Variants in SPAG16 observed in about 807,000 individuals in gnomAD.
The protein encoded by SPAG16 is sperm associated antigen 16.
A neutral mutation model predicts 80.4 loss-of-function variants in SPAG16; 86 were observed. The ratio of observed to expected loss-of-function variants is 1.07; its 90% confidence interval spans 0.90 to 1.28. The LOEUF (loss-of-function observed/expected upper bound fraction) is 1.28. Among genes scored for constraint, SPAG16 ranks in the 50% most tolerant of loss-of-function variants. The pLI, the probability that SPAG16 is intolerant of heterozygous loss-of-function variation, is 0.00. For synonymous variants in SPAG16, 294 were observed against 265.9 expected, an observed-to-expected ratio of 1.11 and a Z score of -1.03; for missense variants, 870 against 765.3, an observed-to-expected ratio of 1.14 and a Z score of -1.61.
chr2:214,192,884 G>C (rs2057706586), intron 15 of SPAG16, among the ~76,000 whole-genome samples: 2 of 152,094 alleles, frequency 1.3e-5, no homozygotes, highest in Admixed American at 1.3e-4. Flanking sequence ...AGAACAGCTT[G>C]AGATTTTGCA....
chr2:214,006,268 A>G (rs1326160656), intron 12 of SPAG16, among the ~76,000 whole-genome samples: 1 of 152,210 alleles, frequency 6.6e-6, no homozygotes, highest in Non-Finnish European at 1.5e-5. Context: ...TAGTATTAAA[A>G]CAAACATATC....
chr2:213,669,357 T>C (rs900809108), intron 10 of SPAG16, among the ~76,000 whole-genome samples: 1 of 152,224 alleles, frequency 6.6e-6, no homozygotes, highest in Admixed American at 6.5e-5. Context: ...ATACTGTTTT[T>C]TTGGCTATAG....
intron 10 of SPAG16, among the ~76,000 whole-genome samples, chr2:213,640,874 T>A (rs771068343): frequency 6.6e-6 from 1 of 152,294 alleles, no homozygotes; most frequent in East Asian, 1.9e-4. Context: ...TTGGTTGGCC[T>A]TCATCCATGA....
At chr2:213,464,946 C>CT (rs1021250943) in intron 9 of SPAG16, among the ~76,000 whole-genome samples, 4 of 152,092 alleles carry the variant, frequency 2.6e-5, no homozygotes, top group African/African-American at 7.2e-5. Flanking sequence ...GTTTTTGTTT[C>CT]TTTTATGGAG....
intron 10 of SPAG16, among the ~76,000 whole-genome samples, chr2:213,624,800 GT>G (rs940294980): frequency 6.6e-6 from 1 of 151,752 alleles, no homozygotes; most frequent in Non-Finnish European, 1.5e-5. Flanking sequence ...TCAGGTTTTT[GT>G]TTTTTTTGAG....
intron 12 of SPAG16, among the ~76,000 whole-genome samples, chr2:213,952,254 A>G (rs1303292920): frequency 6.6e-6 from 1 of 152,102 alleles, no homozygotes. Flanking sequence ...CACATTTTAA[A>G]GGGCATGGTA....
intron 15 of SPAG16, among the ~76,000 whole-genome samples, chr2:214,184,280 A>AAC (rs1180875324): frequency 1.3e-5 from 2 of 152,012 alleles, no homozygotes; most frequent in African/African-American, 4.8e-5. Flanking sequence ...TGGATATTAA[A>AAC]ACTCACCAAG....
chr2:214,372,184 A>C lies in SPAG16; in HGVS notation c.1721-37956A>C, dbSNP rs7349404. ...CTTTACACAGGAGATTTGATGTTCA[A>C]GAATCATATACAAAGGTGATTAGGG... On this transcript the variant is annotated intron_variant, in intron 15 of 15. Coordinates refer to ENST00000331683, the MANE Select transcript of SPAG16 (RefSeq NM_024532.5). Among the ~76,000 whole-genome samples, 203 of 152,272 alleles carry C rather than the reference A, an allele frequency of 1.3e-3. 1 individual carries two copies. The highest frequency in any genetic ancestry group is 2.4e-3 in the Non-Finnish European group (161 of 68,022).
In SPAG16 at chr2:213,726,948, A is replaced by G. The variant is rs560337968; in HGVS notation, c.1071-135537A>G. On this transcript the variant is annotated intron_variant, in intron 10 of 15. Transcript: ENST00000331683. ...ATTCTACTCCGCAAATTTAATTTTG[A>G]GCATATAATAATAGAATTTTATCTT... 2.3e-4 allele frequency among the ~76,000 whole-genome samples: 35 copies of G among 152,334 alleles called. No homozygotes were observed. The Middle Eastern group carries it at 0.01, about 44-fold the overall frequency.
At chr2:213,645,964 G>A (rs1232233828) in intron 10 of SPAG16, among the ~76,000 whole-genome samples, 1 of 152,182 alleles carries the variant, frequency 6.6e-6, no homozygotes, top group Non-Finnish European at 1.5e-5. Context: ...GCTGGGGCTG[G>A]TTTAAAGGTT....
At chr2:213,475,665 T>C (rs143600859) in intron 9 of SPAG16, among the ~76,000 whole-genome samples, 4 of 152,296 alleles carry the variant, frequency 2.6e-5, no homozygotes, top group Non-Finnish European at 5.9e-5. Context: ...CATGCTTACC[T>C]GCACTCTGTC....
chr2:213,490,655 A>G (rs1337133934), intron 10 of SPAG16, among the ~76,000 whole-genome samples: 2 of 152,142 alleles, frequency 1.3e-5, no homozygotes, highest in Non-Finnish European at 2.9e-5. Flanking sequence ...TCTGTAGAAA[A>G]TATGCATATA....
chr2:214,090,133 C>A (rs2052073674), intron 13 of SPAG16, among the ~76,000 whole-genome samples: 1 of 150,290 alleles, frequency 6.7e-6, no homozygotes, highest in African/African-American at 2.5e-5. Context: ...AAAGCTTTTG[C>A]AAAAGAGATA....
chr2:214,202,264 C>T lies in SPAG16; in HGVS notation c.1720+52998C>T, dbSNP rs144670393. Among the ~76,000 whole-genome samples, 263 of 152,196 alleles carry T rather than the reference C, an allele frequency of 1.7e-3. 2 individuals are homozygous for T. Among genetic ancestry groups the T allele is most frequent in the African/African-American group, 6.0e-3 (248 of 41,524 alleles). On this transcript the variant is annotated intron_variant, in intron 15 of 15. Coordinates refer to ENST00000331683, the MANE Select transcript of SPAG16 (RefSeq NM_024532.5). Reference sequence around the variant, plus strand: ...TGAAAATTTTTTTACAACCTAAATACATTAAATTGATGGCTGCCTTATGAT... The same window carrying T: ...TGAAAATTTTTTTACAACCTAAATATATTAAATTGATGGCTGCCTTATGAT...
chr2:214,060,726 A>C (rs1219021776), intron 13 of SPAG16, among the ~76,000 whole-genome samples: 1 of 152,194 alleles, frequency 6.6e-6, no homozygotes. Flanking sequence ...CAGAATTCCA[A>C]TAGGATTGCT....
intron 10 of SPAG16, among the ~76,000 whole-genome samples, chr2:213,751,399 AG>A (rs2068071080): frequency 1.3e-5 from 2 of 152,138 alleles, no homozygotes; most frequent in Non-Finnish European, 2.9e-5. Flanking sequence ...AATGTAAATA[AG>A]TTCTCCCTTC....
intron 15 of SPAG16, among the ~76,000 whole-genome samples, chr2:214,265,052 T>C (rs1205997711): frequency 6.6e-6 from 1 of 152,208 alleles, no homozygotes; most frequent in East Asian, 1.9e-4. Flanking sequence ...TTGGCTGCTT[T>C]CGTGTTTTTG....
chr2:214,090,144 T>C (rs2052075778), intron 13 of SPAG16, among the ~76,000 whole-genome samples: 1 of 151,682 alleles, frequency 6.6e-6, no homozygotes, highest in African/African-American at 2.4e-5. Context: ...AAAAGAGATA[T>C]ATGGAGATAT....
intron 10 of SPAG16, among the ~76,000 whole-genome samples, chr2:213,822,646 C>A: frequency 6.6e-6 from 1 of 152,060 alleles, no homozygotes; most frequent in East Asian, 1.9e-4. Context: ...ATGTACAGAA[C>A]GTGCAGGTTT....
Sources: allele counts gnomAD v4.1 joint callset (sites outside exome capture counted in the v4.1 genomes callset), GRCh38; gene constraint gnomAD v4.1.1; transcripts MANE v1.5; gene names NCBI Gene and HGNC (gene_info 2026-07-23, HGNC 2026-07-21).